ZFX: variants seen among roughly 807,000 people sequenced by gnomAD.
The protein encoded by ZFX is zinc finger X-chromosomal protein.
For missense variants in ZFX, 362 were observed against 628.3 expected (o/e 0.58, Z 4.53); for synonymous variants, 196 against 226.8 (o/e 0.86, Z 1.22).
intron 5 of ZFX, among the ~76,000 whole-genome samples, chrX:24,199,461 G>T (rs1225322707): frequency 9.1e-6 from 1 of 109,902 alleles, no homozygotes; most frequent in African/African-American, 3.3e-5. Flanking sequence ...TCGCTGTGTT[G>T]CCCAGGCTGG....
rs1938423555 is a variant in ZFX at position 24,215,732 on chromosome X, G to C, written c.*4356G>C. 9.0e-6 allele frequency: 1 copy of C among 110,867 alleles called. No homozygotes were observed. The highest frequency in any genetic ancestry group is 9.8e-5 in the Admixed American group (1 of 10,219). 9.1% of individuals were successfully genotyped at this position (110,867 alleles called of 1,213,427 possible). ...CAACAAGTATGCCTTTAGCGCACAT[G>C]TAAATAGCCTGCACTTCCTAAATCT... is the stretch of plus-strand genomic sequence containing the variant. On this transcript the variant is annotated 3_prime_UTR_variant, in exon 10 of 10. Coordinates refer to ENST00000304543, the MANE Select transcript of ZFX (RefSeq NM_003410.4).
At chrX:24,200,716 C>G in intron 5 of ZFX, among the ~76,000 whole-genome samples, 1 of 111,721 alleles carries the variant, frequency 9.0e-6, no homozygotes, top group Non-Finnish European at 1.9e-5. Context: ...TCATTTCTTT[C>G]AGAAGATGAA....
intron 3 of ZFX, among the ~76,000 whole-genome samples, chrX:24,161,030 T>C (rs1248258460): frequency 8.9e-6 from 1 of 112,186 alleles, no homozygotes; most frequent in Non-Finnish European, 1.9e-5. Context: ...AATTTTATTG[T>C]ATTATACTTG....
chrX:24,207,638 T>G, intron 6 of ZFX, 74 bp from the exon 7 acceptor site: 1 of 1,155,418 alleles, frequency 8.7e-7, no homozygotes, highest in Non-Finnish European at 1.2e-6. Flanking sequence ...AATAAGAAAA[T>G]TATGTAAAAA....
At chrX:24,183,339 C>A (rs1935831165) in intron 5 of ZFX, among the ~76,000 whole-genome samples, 1 of 111,671 alleles carries the variant, frequency 9.0e-6, no homozygotes, top group Non-Finnish European at 1.9e-5. Flanking sequence ...CACTCGCCAC[C>A]ATGCCCAGCT....
chrX:24,197,545 GGATA>G (rs1032388605), intron 5 of ZFX, among the ~76,000 whole-genome samples: 29 of 111,597 alleles, frequency 2.6e-4, no homozygotes, highest in Non-Finnish European at 4.3e-4. Flanking sequence ...TGGAGAAGGA[GGATA>G]GATATGGAGA....
At position 24,210,076 on chromosome X, in the gene ZFX, A is replaced by G. The variant is rs755669285; in HGVS notation, c.1235-117A>G. ...CAGTAAAAGGAATGTTAAGCAGCAA[A>G]TAGTCCAATTTAGGAGTCCTTGGCC... On this transcript the variant is annotated intron_variant, in intron 9 of 9. Transcript: ENST00000304543. The G allele has an allele frequency of 5.2e-4, 482 of 922,221 alleles. No homozygotes were observed. The South Asian group carries it at 6.2e-3, about 12-fold the overall frequency. 76.0% of individuals were successfully genotyped at this position (922,221 alleles called of 1,213,427 possible).
At chrX:24,165,131 C>CTT (rs55643520) in intron 3 of ZFX, among the ~76,000 whole-genome samples, 4 of 109,411 alleles carry the variant, frequency 3.7e-5, no homozygotes, top group East Asian at 5.8e-4. Flanking sequence ...TCTTTTCTTT[C>CTT]TTTTTTTTGA....
In ZFX at chrX:24,165,714, C is replaced by G. The variant is rs749053001; in HGVS notation, c.-28-7001C>G. 3.0e-4 allele frequency among the ~76,000 whole-genome samples: 34 copies of G among 112,253 alleles called. No homozygotes were observed. In the East Asian group the frequency reaches 8.6e-3, roughly 28 times the overall value. On this transcript the variant is annotated intron_variant, in intron 3 of 9. Coordinates refer to ENST00000304543, the MANE Select transcript of ZFX (RefSeq NM_003410.4). ...TGTAGTCTAAATCTCCACTTGATACCATGTCAGAATCCTGTCTTCATCCTT... is the reference window on the plus strand; with the variant it reads ...TGTAGTCTAAATCTCCACTTGATACGATGTCAGAATCCTGTCTTCATCCTT...
intron 3 of ZFX, among the ~76,000 whole-genome samples, chrX:24,161,240 G>T (rs1459108411): frequency 8.9e-6 from 1 of 112,264 alleles, no homozygotes; most frequent in Admixed American, 9.5e-5. Context: ...TTAATGGCAA[G>T]AGATAACCAT....
chrX:24,204,198 G>A (rs1175854316), intron 5 of ZFX, among the ~76,000 whole-genome samples: 1 of 112,292 alleles, frequency 8.9e-6, no homozygotes, highest in Non-Finnish European at 1.9e-5. Flanking sequence ...GTTTGTAAAT[G>A]ACAAAGGTTT....
At chrX:24,168,589 T>C (rs1350226494) in intron 3 of ZFX, among the ~76,000 whole-genome samples, 3 of 110,305 alleles carry the variant, frequency 2.7e-5, no homozygotes, top group Non-Finnish European at 5.7e-5. Context: ...CTTTAAAGAA[T>C]GGAAGGACAT....
intron 3 of ZFX, among the ~76,000 whole-genome samples, chrX:24,171,109 T>C (rs2147492645): frequency 8.9e-6 from 1 of 111,943 alleles, no homozygotes; most frequent in East Asian, 2.8e-4. Context: ...TGTAATTTAG[T>C]ATCTGTAAGT....
intron 3 of ZFX, among the ~76,000 whole-genome samples, chrX:24,161,473 C>T (rs1379663258): frequency 9.0e-6 from 1 of 111,561 alleles, no homozygotes; most frequent in Non-Finnish European, 1.9e-5. Flanking sequence ...AGACTTAACA[C>T]TAACATATAT....
At chrX:24,178,155 C>T (rs1054737616) in intron 4 of ZFX, among the ~76,000 whole-genome samples, 15 of 111,127 alleles carry the variant, frequency 1.3e-4, no homozygotes, top group Non-Finnish European at 2.8e-4. Flanking sequence ...TGGTCTCAAT[C>T]TCCTGAGCTT....
chrX:24,189,638 C>T (rs1354959015), intron 5 of ZFX, among the ~76,000 whole-genome samples: 2 of 109,987 alleles, frequency 1.8e-5, no homozygotes, highest in African/African-American at 6.6e-5. Context: ...TTTACTCTTT[C>T]ATTCCATGGG....
At chrX:24,197,839 G>A (rs942437219) in intron 5 of ZFX, among the ~76,000 whole-genome samples, 2 of 112,070 alleles carry the variant, frequency 1.8e-5, no homozygotes, top group East Asian at 2.8e-4. Context: ...TAACCTAAGA[G>A]TTTTGTACTC....
chrX:24,206,551 A>ATT (rs1249396716), intron 5 of ZFX, among the ~76,000 whole-genome samples: 1 of 37,563 alleles, frequency 2.7e-5, no homozygotes, highest in African/African-American at 1.0e-4. Context: ...GTGTGTGTGT[A>ATT]TTTTTTTTTT....
chrX:24,207,580 C>T, intron 6 of ZFX, 105 bp downstream of exon 6: 2 of 1,128,148 alleles, frequency 1.8e-6, no homozygotes, highest in Non-Finnish European at 2.4e-6. Context: ...TCTGAAGTAA[C>T]TTTTATGTAA....
Sources: allele counts gnomAD v4.1 joint callset (sites outside exome capture counted in the v4.1 genomes callset), GRCh38; gene constraint gnomAD v4.1.1; transcripts MANE v1.5; gene names NCBI Gene and HGNC (gene_info 2026-07-23, HGNC 2026-07-21).